The following ARB2A variants were observed in gnomAD, a reference collection of about 807,000 sequenced individuals.
ARB2A encodes ARB2 cotranscriptional regulator A, also known as cotranscriptional regulator ARB2A.
the ARB2A span, among the ~76,000 whole-genome samples, chr5:93,852,383 A>C: frequency 1.3e-5 from 2 of 151,582 alleles, no homozygotes; most frequent in Non-Finnish European, 2.9e-5. Context: ...GATTGCAAAA[A>C]TTTTCTCCCA....
chr5:93,851,091 GTATTTT>G, the ARB2A span, among the ~76,000 whole-genome samples: 1 of 152,072 alleles, frequency 6.6e-6, no homozygotes, highest in Admixed American at 6.6e-5. Flanking sequence ...ACCCAGTTAA[GTATTTT>G]TATATTTCAG....
chr5:94,051,736 C>G, the ARB2A span, among the ~76,000 whole-genome samples: 2 of 152,338 alleles, frequency 1.3e-5, no homozygotes, highest in East Asian at 3.9e-4. Context: ...AGAAACATTC[C>G]TCATATCTAA....
At chr5:93,706,349 C>T in the ARB2A span, among the ~76,000 whole-genome samples, 1 of 152,156 alleles carries the variant, frequency 6.6e-6, no homozygotes, top group South Asian at 2.1e-4. Flanking sequence ...ATAGCAAATG[C>T]ACAGAATCAC....
chr5:93,916,021 CT>C, the ARB2A span, among the ~76,000 whole-genome samples: 6 of 152,076 alleles, frequency 3.9e-5, no homozygotes, highest in Non-Finnish European at 1.5e-5. Flanking sequence ...GAGCTGGATG[CT>C]TTCCATATCA....
At chr5:93,732,491 G>T in the ARB2A span, among the ~76,000 whole-genome samples, 1 of 151,742 alleles carries the variant, frequency 6.6e-6, no homozygotes, top group East Asian at 1.9e-4. Flanking sequence ...AATTGTAATT[G>T]TAAATTACCA....
chr5:93,645,633 G>A, the ARB2A span, among the ~76,000 whole-genome samples: 1 of 151,008 alleles, frequency 6.6e-6, no homozygotes, highest in African/African-American at 2.4e-5. Context: ...AAAAAAATAT[G>A]TACAGGATGA....
the ARB2A span, among the ~76,000 whole-genome samples, chr5:93,703,864 G>C: frequency 6.6e-6 from 1 of 152,144 alleles, no homozygotes; most frequent in Non-Finnish European, 1.5e-5. Flanking sequence ...GCCACCTTCA[G>C]TTTCATAAAC....
chr5:93,925,524 C>G, the ARB2A span, among the ~76,000 whole-genome samples: 6 of 152,112 alleles, frequency 3.9e-5, no homozygotes, highest in African/African-American at 1.4e-4. Context: ...GTATGTGGGA[C>G]AAAGGGATGA....
At chr5:93,744,434 C>CAAAAAAAAAAAAAAAAAAAAAAAAA in the ARB2A span, among the ~76,000 whole-genome samples, 2 of 14,534 alleles carry the variant, frequency 1.4e-4, 1 homozygote, top group African/African-American at 4.8e-4. Context: ...GACTCAGTCT[C>CAAAAAAAAAAAAAAAAAAAAAAAAA]AAAAAAAAAA....
chr5:93,805,745 T>C, the ARB2A span: 6 of 985,164 alleles, frequency 6.1e-6, no homozygotes, highest in Non-Finnish European at 7.2e-6. Context: ...TGTATACCTA[T>C]TTGTAGTTGC....
At chr5:94,005,025 A>AAAAAAG in the ARB2A span, among the ~76,000 whole-genome samples, 1 of 110,088 alleles carries the variant, frequency 9.1e-6, no homozygotes, top group African/African-American at 3.7e-5. Context: ...AAAAAAAAAA[A>AAAAAAG]AGAGAGAGGA....
the ARB2A span, among the ~76,000 whole-genome samples, chr5:93,830,311 G>GTGTATATATATA: frequency 8.5e-5 from 7 of 82,266 alleles, no homozygotes; most frequent in African/African-American, 2.6e-4. Flanking sequence ...GTGTGTGTGT[G>GTGTATATATATA]TATATATATA....
At chr5:93,974,434 C>T in the ARB2A span, among the ~76,000 whole-genome samples, 3 of 152,066 alleles carry the variant, frequency 2.0e-5, no homozygotes, top group African/African-American at 7.2e-5. Context: ...CATTGGAGCA[C>T]CCAAATCTAT....
chr5:93,981,188 T>A, the ARB2A span, among the ~76,000 whole-genome samples: 6 of 151,538 alleles, frequency 4.0e-5, no homozygotes, highest in South Asian at 8.4e-4. Context: ...CCACCTCAGC[T>A]CCCCAAGTAG....
At chr5:94,088,819 T>A in the ARB2A span, among the ~76,000 whole-genome samples, 3 of 152,212 alleles carry the variant, frequency 2.0e-5, no homozygotes, top group Non-Finnish European at 4.4e-5. Flanking sequence ...TTAAATTTTT[T>A]AAAATGCTGG....
At chr5:93,763,444 C>A in the ARB2A span, among the ~76,000 whole-genome samples, 1 of 152,090 alleles carries the variant, frequency 6.6e-6, no homozygotes, top group African/African-American at 2.4e-5. Context: ...TCAAAAGAGA[C>A]AAAGAAGGCC....
the ARB2A span, among the ~76,000 whole-genome samples, chr5:93,921,289 G>C: frequency 6.6e-6 from 1 of 152,050 alleles, no homozygotes; most frequent in African/African-American, 2.4e-5. Flanking sequence ...GTGACTGCAG[G>C]ATTGCTATAA....
the ARB2A span, among the ~76,000 whole-genome samples, chr5:94,014,827 C>T: frequency 6.7e-6 from 1 of 149,826 alleles, no homozygotes; most frequent in East Asian, 1.9e-4. Flanking sequence ...CAAAGACAGG[C>T]TATTTGAAAA....
chr5:93,806,503 A>G, the ARB2A span, among the ~76,000 whole-genome samples: 1 of 151,926 alleles, frequency 6.6e-6, no homozygotes, highest in Non-Finnish European at 1.5e-5. Flanking sequence ...CACTGGCTAG[A>G]TAAATTACAC....
Sources: gnomAD v4.1 joint callset for allele counts (sites outside exome capture counted in the v4.1 genomes callset) on GRCh38, gnomAD v4.1.1 for gene constraint, MANE v1.5 for transcripts, NCBI Gene and HGNC (gene_info 2026-07-23, HGNC 2026-07-21) for gene names.